Variants in GALNTL6 observed in about 807,000 individuals in gnomAD.
The protein encoded by GALNTL6 is polypeptide N-acetylgalactosaminyltransferase like 6.
In GALNTL6, 46 loss-of-function variants were observed where a neutral mutation model predicts 73.7. The observed-to-expected ratio is 0.62, with a 90% CI of 0.49 to 0.80. The LOEUF is 0.80. Ranked by LOEUF, GALNTL6 falls within the 30% of genes least tolerant of loss-of-function variation. The pLI is 0.00. For synonymous variants in GALNTL6, 259 were observed against 263.7 expected (o/e 0.98, Z 0.17); for missense variants, 604 against 755.0 (o/e 0.80, Z 2.34).
intron 2 of GALNTL6, among the ~76,000 whole-genome samples, chr4:172,121,431 G>A (rs1733148875): frequency 6.6e-6 from 1 of 152,114 alleles, no homozygotes; most frequent in Admixed American, 6.6e-5. Context: ...TTTAACACAA[G>A]TGACTCCATT....
At chr4:172,643,790 A>G (rs1334720885) in intron 5 of GALNTL6, among the ~76,000 whole-genome samples, 1 of 151,924 alleles carries the variant, frequency 6.6e-6, no homozygotes, top group Non-Finnish European at 1.5e-5. Flanking sequence ...GTATTAATAT[A>G]CCCAGTTGAT....
At chr4:172,966,453 C>T (rs1750330349) in intron 10 of GALNTL6, among the ~76,000 whole-genome samples, 1 of 151,240 alleles carries the variant, frequency 6.6e-6, no homozygotes, top group Non-Finnish European at 1.5e-5. Context: ...GGAGTGCAGT[C>T]GCATGATCTC....
chr4:172,801,072 A>T (rs1301208994), intron 5 of GALNTL6, among the ~76,000 whole-genome samples: 1 of 152,224 alleles, frequency 6.6e-6, no homozygotes, highest in Non-Finnish European at 1.5e-5. Context: ...ACCAGTTCTT[A>T]AATAGTTCTT....
At chr4:172,287,586 A>G (rs985596817) in intron 3 of GALNTL6, among the ~76,000 whole-genome samples, 1 of 152,202 alleles carries the variant, frequency 6.6e-6, no homozygotes, top group African/African-American at 2.4e-5. Flanking sequence ...TGTACTTGCC[A>G]AGTCTTTCAG....
intron 2 of GALNTL6, among the ~76,000 whole-genome samples, chr4:172,113,312 G>A (rs1732905466): frequency 6.6e-6 from 1 of 151,714 alleles, no homozygotes; most frequent in South Asian, 2.1e-4. Flanking sequence ...TTATTTAGAT[G>A]GTATTACATA....
intron 7 of GALNTL6, among the ~76,000 whole-genome samples, chr4:172,833,572 C>G (rs1742753618): frequency 6.6e-6 from 1 of 152,078 alleles, no homozygotes; most frequent in Non-Finnish European, 1.5e-5. Context: ...CACTTGAGCT[C>G]CATAAGAATT....
intron 2 of GALNTL6, among the ~76,000 whole-genome samples, chr4:172,218,864 T>G (rs1160340582): frequency 6.6e-6 from 1 of 151,942 alleles, no homozygotes; most frequent in African/African-American, 2.4e-5. Flanking sequence ...TTTAATGAAG[T>G]GATACATTTG....
At chr4:171,898,964 T>G (rs1429006208) in intron 2 of GALNTL6, among the ~76,000 whole-genome samples, 1 of 151,968 alleles carries the variant, frequency 6.6e-6, no homozygotes, top group Non-Finnish European at 1.5e-5. Context: ...TTCTTTTTTC[T>G]GTTTTTGTTT....
At chr4:172,215,944 C>CCTTG (rs1350455190) in intron 2 of GALNTL6, among the ~76,000 whole-genome samples, 1 of 152,034 alleles carries the variant, frequency 6.6e-6, no homozygotes, top group Non-Finnish European at 1.5e-5. Flanking sequence ...AATAACAGTA[C>CCTTG]CTTGCTTTCT....
At chr4:172,592,713 T>C (rs1003035669) in intron 5 of GALNTL6, among the ~76,000 whole-genome samples, 1 of 151,622 alleles carries the variant, frequency 6.6e-6, no homozygotes, top group African/African-American at 2.4e-5. Flanking sequence ...TCTATCTATC[T>C]ATCGAGAGAG....
chr4:172,503,883 A>ATTCTGCCATTCTGTATCTTTTAAGTG (rs1415795499), intron 5 of GALNTL6, among the ~76,000 whole-genome samples: 37 of 8,808 alleles, frequency 4.2e-3, no homozygotes, highest in South Asian at 0.024. Context: ...GTCCAAGCAC[A>ATTCTGCCATTCTGTATCTTTTAAGTG]GATCACGCCT....
At chr4:172,033,673 T>C (rs1741839107) in intron 2 of GALNTL6, among the ~76,000 whole-genome samples, 1 of 152,090 alleles carries the variant, frequency 6.6e-6, no homozygotes, top group Non-Finnish European at 1.5e-5. Context: ...ACTATAGAAA[T>C]CATCAATTGT....
intron 5 of GALNTL6, among the ~76,000 whole-genome samples, chr4:172,363,027 C>A (rs1742425296): frequency 6.6e-6 from 1 of 152,128 alleles, no homozygotes; most frequent in East Asian, 1.9e-4. Flanking sequence ...TCAAAACTGG[C>A]AGTCTTCCCT....
At chr4:172,589,148 T>C (rs763639408) in intron 5 of GALNTL6, among the ~76,000 whole-genome samples, 1 of 152,152 alleles carries the variant, frequency 6.6e-6, no homozygotes, top group Non-Finnish European at 1.5e-5. Flanking sequence ...ACACCTTGTG[T>C]TTGCTTTGTA....
chr4:172,975,956 C>T (rs1316436221), intron 10 of GALNTL6, among the ~76,000 whole-genome samples: 1 of 152,124 alleles, frequency 6.6e-6, no homozygotes, highest in Admixed American at 6.5e-5. Flanking sequence ...TGCACAGGTC[C>T]ACAGCTACAA....
rs550444807 is a variant in GALNTL6 at position 172,555,009 on chromosome 4, A to C, written c.553+206320A>C. Among the ~76,000 whole-genome samples the C allele has an allele frequency of 1.2e-4, 18 of 152,324 alleles. No homozygotes were observed. The South Asian group carries it at 2.7e-3, about 23-fold the overall frequency. On this transcript the variant is annotated intron_variant, in intron 5 of 12. Transcript: ENST00000506823. ...TTTACATTCACACTAGCAATGTTTGATAATTGCACCTGCTCCAGGTCCTCA... is the reference window on the plus strand; with the variant it reads ...TTTACATTCACACTAGCAATGTTTGCTAATTGCACCTGCTCCAGGTCCTCA...
intron 8 of GALNTL6, among the ~76,000 whole-genome samples, chr4:172,891,103 G>A (rs1333684549): frequency 6.8e-6 from 1 of 147,504 alleles, no homozygotes; most frequent in East Asian, 2.0e-4. Context: ...GTCTCTTGAA[G>A]ACAGCAGAAG....
intron 5 of GALNTL6, among the ~76,000 whole-genome samples, chr4:172,583,539 T>C (rs2110979089): frequency 6.6e-6 from 1 of 152,240 alleles, no homozygotes; most frequent in East Asian, 1.9e-4. Context: ...AAATTTGAAA[T>C]CATAACTCTT....
chr4:172,184,817 G>A (rs1479962513), intron 2 of GALNTL6, among the ~76,000 whole-genome samples: 1 of 152,164 alleles, frequency 6.6e-6, no homozygotes, highest in Non-Finnish European at 1.5e-5. Context: ...AAAGGTAGAA[G>A]GACAAGGGGG....
Sources: allele counts gnomAD v4.1 joint callset (sites outside exome capture counted in the v4.1 genomes callset), GRCh38; gene constraint gnomAD v4.1.1; transcripts MANE v1.5; gene names NCBI Gene and HGNC (gene_info 2026-07-23, HGNC 2026-07-21).